The following RPA3 variants were observed in gnomAD, a reference collection of about 807,000 sequenced individuals.
RPA3 encodes replication protein A 14 kDa subunit.
RPA3 carries 24 observed loss-of-function variants against 13.7 expected under a neutral mutation model. That is an observed-to-expected ratio of 1.75 (90% CI 1.27 to 2.46). RPA3 has a LOEUF of 2.46. RPA3 is among the 30% of genes most tolerant of loss of function. RPA3 has a pLI of 0.00. For synonymous variants in RPA3, 59 were observed against 51.2 expected, an observed-to-expected ratio of 1.15 and a Z score of -0.65; for missense variants, 183 against 151.0, an observed-to-expected ratio of 1.21 and a Z score of -1.11.
chr7:7,717,166 C>T (rs1338805104), intron 1 of RPA3, among the ~76,000 whole-genome samples: 2 of 151,052 alleles, frequency 1.3e-5, no homozygotes, highest in African/African-American at 4.9e-5. Flanking sequence ...AAGCGATTCT[C>T]TCACCTCTGC....
Position 7,640,437 on chromosome 7 carries a change from C to A in RPA3, c.-19G>T. 1.2e-6 allele frequency: 2 copies of A among 1,610,810 alleles called. No individual in the cohort carries two copies. Among genetic ancestry groups the A allele is most frequent in the Non-Finnish European group, 8.5e-7 (1 of 1,177,892 alleles). On this transcript the variant is annotated 5_prime_UTR_variant, in exon 5 of 8. Coordinates refer to ENST00000223129, the MANE Select transcript of RPA3 (RefSeq NM_002947.5). ...CCACCATGATTATGGTCCAAGACTG[C>A]GGCTGGCGGGAAACCCACGGACGAC...
chr7:7,666,741 A>AT (rs1222790856), intron 4 of RPA3, among the ~76,000 whole-genome samples: 2 of 151,914 alleles, frequency 1.3e-5, no homozygotes, highest in African/African-American at 4.8e-5. Context: ...TATATACATT[A>AT]TTTATCAAAT....
chr7:7,708,585 T>TA (rs1304745067), intron 2 of RPA3, among the ~76,000 whole-genome samples: 1 of 152,170 alleles, frequency 6.6e-6, no homozygotes, highest in East Asian at 1.9e-4. Flanking sequence ...CCTTTAAAAA[T>TA]AAGTCAACAT....
At position 7,640,415 on chromosome 7, in the gene RPA3, C is replaced by T. The variant is rs1164968010; in HGVS notation, c.4G>A (p.Val2Met). The T allele has an allele frequency of 5.6e-6, 9 of 1,613,832 alleles. No homozygotes were observed. Among genetic ancestry groups the T allele is most frequent in the Non-Finnish European group, 6.8e-6 (8 of 1,179,864 alleles). Residue 2 changes from valine (V) to methionine (M), a missense_variant, in exon 5 of 8, where the codon GTG becomes ATG. Transcript: ENST00000223129. The stretch of plus-strand genomic sequence containing the variant: ...GACCTGGGCAAGTCCATCATGTCCA[C>T]CATGATTATGGTCCAAGACTGCGGC... M[V>M]DMMDLPRSRI...
intron 4 of RPA3, among the ~76,000 whole-genome samples, chr7:7,644,119 C>G (rs10235747): frequency 0.32 from 48,919 of 151,978 alleles, 9,241 homozygotes; most frequent in African/African-American, 0.52. Context: ...GAGTTTTTTC[C>G]CCCAATTTGA....
At chr7:7,680,019 T>C (rs1779869993) in intron 4 of RPA3, among the ~76,000 whole-genome samples, 1 of 152,080 alleles carries the variant, frequency 6.6e-6, no homozygotes, top group African/African-American at 2.4e-5. Context: ...ATCATTTCTT[T>C]TGTTGTGCAG....
intron 2 of RPA3, among the ~76,000 whole-genome samples, chr7:7,695,964 C>G: frequency 6.7e-6 from 1 of 149,292 alleles, no homozygotes; most frequent in Non-Finnish European, 1.5e-5. Context: ...CTTTTAAACC[C>G]TACTGTGTAT....
In RPA3 at chr7:7,660,910, C is replaced by G. The variant is rs182336113; in HGVS notation, c.-757-19735G>C. Among the ~76,000 whole-genome samples, 34 of 152,286 alleles carry G rather than the reference C, an allele frequency of 2.2e-4. No individual in the cohort carries two copies. In the East Asian group the frequency reaches 2.5e-3, roughly 11 times the overall value. On this transcript the variant is annotated intron_variant, in intron 4 of 7. Coordinates refer to ENST00000223129, the MANE Select transcript of RPA3 (RefSeq NM_002947.5). ...CTGAAGAGTGTTTTCCAACTTGGTT[C>G]TATTCTCCCTGTCACTTTCGGGTAC...
intron 4 of RPA3, among the ~76,000 whole-genome samples, chr7:7,654,076 C>T (rs1022444948): frequency 6.6e-6 from 1 of 152,138 alleles, no homozygotes; most frequent in Non-Finnish European, 1.5e-5. Context: ...AAAAAGCAGT[C>T]ATTTCTTATC....
chr7:7,664,510 A>C (rs1221457897), intron 4 of RPA3, among the ~76,000 whole-genome samples: 5 of 152,140 alleles, frequency 3.3e-5, no homozygotes. Flanking sequence ...CTTCTTTTGC[A>C]GTCTTGATTT....
chr7:7,704,641 G>A (rs370793343), intron 2 of RPA3, among the ~76,000 whole-genome samples: 2 of 148,948 alleles, frequency 1.3e-5, no homozygotes, highest in African/African-American at 2.5e-5. Context: ...GGTCATGCAC[G>A]TCTGTAGTCC....
intron 2 of RPA3, among the ~76,000 whole-genome samples, chr7:7,705,067 CATT>C (rs1415874919): frequency 6.6e-6 from 1 of 152,076 alleles, no homozygotes; most frequent in Non-Finnish European, 1.5e-5. Flanking sequence ...TTCTTTCTGG[CATT>C]GTTATTATTC....
intron 2 of RPA3, among the ~76,000 whole-genome samples, chr7:7,690,086 A>G (rs556866917): frequency 6.7e-4 from 102 of 152,206 alleles, no homozygotes; most frequent in South Asian, 5.0e-3. Context: ...CACCCATTTG[A>G]TTTTCAGGAA....
intron 4 of RPA3, among the ~76,000 whole-genome samples, chr7:7,659,554 C>T (rs570293861): frequency 2.2e-4 from 34 of 152,094 alleles, no homozygotes; most frequent in Middle Eastern, 3.2e-3. Flanking sequence ...GCCTTAATTT[C>T]GTTATTTACC....
intron 2 of RPA3, among the ~76,000 whole-genome samples, chr7:7,696,924 A>AT (rs1780334085): frequency 6.6e-6 from 1 of 151,368 alleles, no homozygotes; most frequent in Non-Finnish European, 1.5e-5. Context: ...AGATTTATTG[A>AT]TTTTTCCTGG....
At chr7:7,704,949 AAAG>A (rs1279627698) in intron 2 of RPA3, among the ~76,000 whole-genome samples, 5 of 152,162 alleles carry the variant, frequency 3.3e-5, no homozygotes, top group Non-Finnish European at 7.3e-5. Context: ...ATCTGAATGA[AAAG>A]AAGATTCTGG....
At position 7,637,881 on chromosome 7, in the gene RPA3, T is replaced by G; in HGVS notation, c.266A>C (p.Glu89Ala). 1 of 1,612,820 alleles carries G rather than the reference T, an allele frequency of 6.2e-7. No individual in the cohort carries two copies. The highest frequency in any genetic ancestry group is 8.5e-7 in the Non-Finnish European group (1 of 1,179,236). ...TTATTTACCAAAAGGATGGCTATCT[T>G]CTTTAAACTGGACATAAGATGTACA... is the stretch of plus-strand genomic sequence containing the variant. ...ILCTSYVQFK[E>A]DSHPFDLGLY... Residue 89 changes from glutamate (E) to alanine (A), a missense_variant, in exon 7 of 8, where the codon GAA becomes GCA. Coordinates refer to ENST00000223129, the MANE Select transcript of RPA3 (RefSeq NM_002947.5).
intron 4 of RPA3, among the ~76,000 whole-genome samples, chr7:7,657,944 G>A (rs1034147434): frequency 6.6e-6 from 1 of 152,178 alleles, no homozygotes; most frequent in Non-Finnish European, 1.5e-5. Flanking sequence ...CTATCCATGA[G>A]CATGGAATGT....
intron 4 of RPA3, chr7:7,673,188 T>C (rs138338546): frequency 2.8e-6 from 2 of 723,036 alleles, no homozygotes; most frequent in Non-Finnish European, 4.9e-6. Context: ...TGGTTTTACA[T>C]GTGGCCATAG....
Sources: allele counts gnomAD v4.1 joint callset (sites outside exome capture counted in the v4.1 genomes callset), GRCh38; gene constraint gnomAD v4.1.1; transcripts MANE v1.5; gene names NCBI Gene and HGNC (gene_info 2026-07-23, HGNC 2026-07-21).